The following CBR4 variants were observed in gnomAD, a reference collection of about 807,000 sequenced individuals.
The protein encoded by CBR4 is 3-oxoacyl-[acyl-carrier-protein] reductase.
CBR4 carries 22 observed loss-of-function variants against 21.0 expected under a neutral mutation model. The ratio of observed to expected loss-of-function variants is 1.05; its 90% CI spans 0.75 to 1.50. The LOEUF is 1.50. CBR4 is among the 40% of genes most tolerant of loss of function. The probability of loss-of-function intolerance (pLI) is 0.00; values close to 1 mark genes in which losing one functional copy is unlikely to be tolerated. For missense variants in CBR4, 302 were observed against 286.3 expected (o/e 1.05, Z -0.40); for synonymous variants, 100 against 104.4 (o/e 0.96, Z 0.26).
chr4:168,908,534 A>G (rs927810830), intron 2 of CBR4, among the ~76,000 whole-genome samples: 1 of 152,248 alleles, frequency 6.6e-6, no homozygotes, highest in African/African-American at 2.4e-5. Flanking sequence ...TTCAAGATAT[A>G]GTAATCCCAA....
At chr4:168,994,561 T>C (rs1765090440) in intron 4 of CBR4, among the ~76,000 whole-genome samples, 1 of 151,858 alleles carries the variant, frequency 6.6e-6, no homozygotes, top group Non-Finnish European at 1.5e-5. Context: ...ATCTCTGAGG[T>C]TTCTTTTCTG....
intron 4 of CBR4, among the ~76,000 whole-genome samples, chr4:168,996,061 G>C (rs1392834134): frequency 6.6e-6 from 1 of 152,136 alleles, no homozygotes; most frequent in Non-Finnish European, 1.5e-5. Flanking sequence ...TAGAAGATAA[G>C]GGTGTGATTT....
chr4:169,005,063 T>C (rs1186772529), intron 3 of CBR4, among the ~76,000 whole-genome samples: 1 of 152,110 alleles, frequency 6.6e-6, no homozygotes, highest in Non-Finnish European at 1.5e-5. Context: ...AAGTTCAGTA[T>C]TAGAATATTT....
At chr4:168,938,143 T>A (rs1291499361) in intron 2 of CBR4, among the ~76,000 whole-genome samples, 3 of 152,058 alleles carry the variant, frequency 2.0e-5, no homozygotes, top group Admixed American at 2.0e-4. Context: ...CTAATTAGAA[T>A]TTAGGATTAA....
chr4:168,971,142 T>G (rs1764195239), intron 2 of CBR4, among the ~76,000 whole-genome samples: 1 of 152,220 alleles, frequency 6.6e-6, no homozygotes, highest in Non-Finnish European at 1.5e-5. Context: ...CTATTATTTT[T>G]TTATTTTTTA....
At chr4:168,915,274 T>TTACTTTCA (rs1173000331) in intron 2 of CBR4, among the ~76,000 whole-genome samples, 3 of 152,242 alleles carry the variant, frequency 2.0e-5, no homozygotes, top group African/African-American at 7.2e-5. Context: ...TTCCCTGCGA[T>TTACTTTCA]TACTTTCAAC....
Position 168,990,208 on chromosome 4 carries a change from G to A in CBR4, c.656C>T (p.Ser219Leu). The A allele has an allele frequency of 6.2e-7, 1 of 1,613,094 alleles. No homozygotes were observed. Among genetic ancestry groups the A allele is most frequent in the African/African-American group, 1.3e-5 (1 of 74,968 alleles). The change falls in exon 5 of 5, where the codon TCA (serine) becomes TTA (leucine). Residue 219 changes from serine to leucine, a missense_variant. Transcript: ENST00000306193. ...VAHAVVFLLESPYITGHVLVV... is the reference protein window; with the variant it reads ...VAHAVVFLLELPYITGHVLVV... ...CAGAACATGCCCTGTAATATACGGT[G>A]ATTCTAAAAGAAACACAACCGCATG...
At chr4:169,002,954 C>A (rs888839368) in intron 3 of CBR4, among the ~76,000 whole-genome samples, 7 of 152,060 alleles carry the variant, frequency 4.6e-5, no homozygotes, top group African/African-American at 1.7e-4. Context: ...ATGTTTACTG[C>A]TGTTGGGGTG....
chr4:168,902,096 C>T (rs1346897053), intron 2 of CBR4, among the ~76,000 whole-genome samples: 2 of 152,160 alleles, frequency 1.3e-5, no homozygotes, highest in Non-Finnish European at 2.9e-5. Flanking sequence ...TATTTCTGGT[C>T]TTTTCCTTTC....
chr4:168,920,442 A>G (rs1272285431), intron 2 of CBR4, among the ~76,000 whole-genome samples: 2 of 152,220 alleles, frequency 1.3e-5, no homozygotes, highest in African/African-American at 4.8e-5. Flanking sequence ...TAGTTCTTCA[A>G]AAGAACTGTT....
rs769878384 is a variant in CBR4, at chr4:168,989,820, A to G, written c.*330T>C. ...TGATACACATCCTTTAGAAAACACAATTTGTCTGGGGGGATGATTGCACAT... is the reference window on the plus strand; with the variant it reads ...TGATACACATCCTTTAGAAAACACAGTTTGTCTGGGGGGATGATTGCACAT... On this transcript the variant is annotated 3_prime_UTR_variant, in exon 5 of 5. Coordinates refer to ENST00000306193, the MANE Select transcript of CBR4 (RefSeq NM_032783.5). 2.2e-5 allele frequency: 22 copies of G among 1,009,216 alleles called. No individual in the cohort carries two copies. The highest frequency in any genetic ancestry group is 2.6e-5 in the Non-Finnish European group (22 of 846,042). The allele number at this position is 1,009,216 out of a possible 1,614,324, so 62.5% of individuals were successfully genotyped here. A position where few individuals can be genotyped will look rare whatever the true frequency, so the allele number is the denominator to read the frequency against.
intron 2 of CBR4, among the ~76,000 whole-genome samples, chr4:168,907,225 T>G (rs1475947160): frequency 6.6e-6 from 1 of 152,236 alleles, no homozygotes; most frequent in Non-Finnish European, 1.5e-5. Context: ...ACTGTCATTA[T>G]TTTAATTCAG....
intron 2 of CBR4, chr4:168,904,119 T>A (rs779912629): frequency 1.8e-6 from 1 of 563,070 alleles, no homozygotes; most frequent in East Asian, 3.1e-5. Context: ...TTCTACTCCT[T>A]CCACAAATAT....
In CBR4 at chr4:168,990,272, T is replaced by G; in HGVS notation, c.592A>C (p.Ile198Leu). The change falls in exon 5 of 5, where the codon ATT becomes CTT. Residue 198 changes from isoleucine to leucine, a missense_variant. Ile to Leu is a conservative substitution (Grantham distance 5). Coordinates refer to ENST00000306193, the MANE Select transcript of CBR4 (RefSeq NM_032783.5). Reference protein sequence around the residue: ...DLKEEHLKKNIPLGRFGETIE... With the variant: ...DLKEEHLKKNLPLGRFGETIE... ...GTTTCTCCAAACCTCCCAAGAGGAA[T>G]ATTTTTCTTTAAATGTTCTTCTTTC... 6.2e-7 allele frequency: 1 copy of G among 1,611,950 alleles called. No individual in the cohort carries two copies. The highest frequency in any genetic ancestry group is 8.5e-7 in the Non-Finnish European group (1 of 1,178,488).
At chr4:168,987,113 G>T (rs28368513), downstream of CBR4, among the ~76,000 whole-genome samples, 1,729 of 152,160 alleles carry the variant, frequency 0.011, 47 homozygotes, top group African/African-American at 0.039. Context: ...TCTCCATTTG[G>T]ATTATTAGGC....
chr4:169,007,834 T>C (rs1054540981), intron 1 of CBR4, 78 bp from the exon 2 acceptor site: 10 of 1,055,768 alleles, frequency 9.5e-6, no homozygotes, highest in Non-Finnish European at 1.4e-5. Flanking sequence ...TAAGCATCTA[T>C]CTAAGATGGC....
chr4:168,930,215 T>G lies in CBR4; in HGVS notation n.170-35450A>C, dbSNP rs199798655. Among the ~76,000 whole-genome samples the G allele has an allele frequency of 3.7e-4, 56 of 152,298 alleles. No homozygotes were observed. In the East Asian group the frequency reaches 6.4e-3, roughly 17 times the overall value. On this transcript the variant is annotated intron_variant and non_coding_transcript_variant, in intron 2 of 3. Coordinates refer to the CBR4 transcript ENST00000509108. ...TGATAATTACTTAAAAATAATTTGT[T>G]TTATGTATTTTATGCCTCCATGAAC...
At chr4:168,953,285 G>A (rs1256640180) in intron 2 of CBR4, among the ~76,000 whole-genome samples, 5 of 152,150 alleles carry the variant, frequency 3.3e-5, no homozygotes, top group East Asian at 1.9e-4. Flanking sequence ...CAAAAGCACC[G>A]CATCTATTTC....
intron 2 of CBR4, among the ~76,000 whole-genome samples, chr4:168,902,593 G>A (rs978553051): frequency 1.3e-5 from 2 of 152,048 alleles, no homozygotes; most frequent in African/African-American, 2.4e-5. Flanking sequence ...AGTGAGCCAA[G>A]ACTGCACCAC....
Sources: gnomAD v4.1 joint callset for allele counts (sites outside exome capture counted in the v4.1 genomes callset) on GRCh38, gnomAD v4.1.1 for gene constraint, MANE v1.5 for transcripts, NCBI Gene and HGNC (gene_info 2026-07-23, HGNC 2026-07-21) for gene names.